FKBP4: variants seen among roughly 807,000 people sequenced by gnomAD.
FKBP4 encodes the protein peptidyl-prolyl cis-trans isomerase FKBP4.
In FKBP4, 28 loss-of-function variants were observed where a neutral mutation model predicts 54.1. The ratio of observed to expected loss-of-function variants is 0.52; its 90% CI spans 0.38 to 0.71. The LOEUF (loss-of-function observed/expected upper bound fraction) is 0.71, where lower values mean the gene tolerates loss of function less well. FKBP4 is among the 30% of genes least tolerant of loss of function. The pLI, the probability that FKBP4 is intolerant of heterozygous loss-of-function variation, is 0.00. For missense variants in FKBP4, 493 were observed against 574.4 expected, an observed-to-expected ratio of 0.86 and a Z score of 1.45; for synonymous variants, 223 against 216.1, an observed-to-expected ratio of 1.03 and a Z score of -0.28.
At position 2,804,976 on chromosome 12, in the gene FKBP4, G is replaced by A; in HGVS notation, c.*1718G>A. On this transcript the variant is annotated 3_prime_UTR_variant, in exon 10 of 10. Coordinates refer to ENST00000001008, the MANE Select transcript of FKBP4 (RefSeq NM_002014.4). The stretch of plus-strand genomic sequence containing the variant: ...GGCTTACCTCACATCACAGCCCTGT[G>A]TTTGTGGTTTGTGTCTGGGTCCTCT... The A allele has an allele frequency of 3.3e-6, 1 of 304,180 alleles. No individual in the cohort carries two copies. The highest frequency in any genetic ancestry group is 2.7e-5 in the South Asian group (1 of 37,022). The allele number at this position is 304,180 out of a possible 1,614,324, so 18.8% of individuals were successfully genotyped here.
chr12:2,796,083 C>G, intron 1 of FKBP4: 1 of 1,193,708 alleles, frequency 8.4e-7, no homozygotes, highest in South Asian at 1.5e-5. Context: ...GGACAACCTG[C>G]CTTGGGTCGG....
At chr12:2,800,674 G>C in intron 8 of FKBP4, 97 bp downstream of exon 8, 1 of 1,256,420 alleles carries the variant, frequency 8.0e-7, no homozygotes, top group Non-Finnish European at 1.1e-6. Flanking sequence ...CTAGGGCAGG[G>C]ATAGCAGGGT....
Position 2,799,943 on chromosome 12 carries a change from A to G in FKBP4, c.762+3A>G. The G allele has an allele frequency of 6.2e-7, 1 of 1,614,126 alleles. No individual in the cohort carries two copies. Among genetic ancestry groups the G allele is most frequent in the South Asian group, 1.1e-5 (1 of 91,080 alleles). On this transcript the variant is annotated splice_donor_region_variant and intron_variant, in intron 6 of 9. Transcript: ENST00000001008. ...TACACCTCAAGAGTTTTGAAAAGGT[A>G]AGTTTGCTCAGGGTCTTCCCATCTA...
chr12:2,796,875 A>G, intron 1 of FKBP4: 1 of 1,274,256 alleles, frequency 7.8e-7, no homozygotes. Context: ...TTAAAAACTT[A>G]CCATACAGCG....
At chr12:2,801,535 G>A in intron 9 of FKBP4, 179 bp downstream of exon 9, 1 of 852,908 alleles carries the variant, frequency 1.2e-6, no homozygotes. Flanking sequence ...ATCAGTGCGG[G>A]AAACCTACCC....
intron 1 of FKBP4, chr12:2,796,536 A>ATT: frequency 8.4e-7 from 1 of 1,192,790 alleles, no homozygotes; most frequent in East Asian, 5.8e-5. Context: ...GCCCTGGACT[A>ATT]ACTACCAGAG....
At chr12:2,796,504 T>C in intron 1 of FKBP4, 1 of 1,200,998 alleles carries the variant, frequency 8.3e-7, no homozygotes, top group Non-Finnish European at 1.1e-6. Flanking sequence ...AAGAAGCCTT[T>C]ACGTTTCTGG....
chr12:2,795,908 G>A lies in FKBP4; in HGVS notation c.105+664G>A. On this transcript the variant is annotated intron_variant, in intron 1 of 9. Transcript: ENST00000001008. The surrounding 1 kb of genome is among the most constrained non-coding windows in gnomAD (Gnocchi z 4.3). ...CGGCCCCGGGGAGGCCGGGCGCGGG[G>A]CATGCCGGGAGCTGTAGTCCCCTCC... is the stretch of plus-strand genomic sequence containing the variant. 2.0e-6 allele frequency: 2 copies of A among 982,052 alleles called. No homozygotes were observed. Among genetic ancestry groups the A allele is most frequent in the Non-Finnish European group, 2.4e-6 (2 of 824,618 alleles). 60.8% of individuals were successfully genotyped at this position (982,052 alleles called of 1,614,324 possible).
At position 2,797,849 on chromosome 12, in the gene FKBP4, C is replaced by A. The variant is rs527359061; in HGVS notation, c.371C>A (p.Pro124His). The A allele has an allele frequency of 3.7e-6, 6 of 1,613,970 alleles. No homozygotes were observed. The highest frequency in any genetic ancestry group is 2.2e-5 in the South Asian group (2 of 91,044). ...GSAGSPPKIP[P>H]NATLVFEVEL... ...GCAGGCAGTCCTCCAAAGATTCCCC[C>A]CAATGCCACGCTTGTATTTGAGGTG... is the stretch of plus-strand genomic sequence containing the variant. The change falls in exon 3 of 10, where the codon CCC becomes CAC. Residue 124 changes from proline to histidine, a missense_variant. Pro to His is a moderately conservative substitution (Grantham distance 77, BLOSUM62 -2). Transcript: ENST00000001008.
rs530047224 is a variant in FKBP4 at position 2,804,804 on chromosome 12, T to C, written c.*1546T>C. ...GCTGGAGCCAGGATTAAAATTGGGG[T>C]GTACAAGTCTCCCAGTGTGAGTATC... On this transcript the variant is annotated 3_prime_UTR_variant, in exon 10 of 10. Coordinates refer to ENST00000001008, the MANE Select transcript of FKBP4 (RefSeq NM_002014.4). The C allele has an allele frequency of 3.1e-5, 5 of 162,876 alleles. No individual in the cohort carries two copies. The highest frequency in any genetic ancestry group is 1.2e-4 in the African/African-American group (5 of 41,678). The allele number at this position is 162,876 out of a possible 1,614,324, so 10.1% of individuals were successfully genotyped here. A position where few individuals can be genotyped will look rare whatever the true frequency, so the allele number is the denominator to read the frequency against.
Position 2,795,280 on chromosome 12 carries a change from C to T in FKBP4, c.105+36C>T. 3 of 1,171,066 alleles carry T rather than the reference C, an allele frequency of 2.6e-6. No individual in the cohort carries two copies. Among genetic ancestry groups the T allele is most frequent in the Non-Finnish European group, 3.2e-6 (3 of 925,900 alleles). 72.5% of individuals were successfully genotyped at this position (1,171,066 alleles called of 1,614,324 possible). A position where few individuals can be genotyped will look rare whatever the true frequency, so the allele number is the denominator to read the frequency against. On this transcript the variant is annotated intron_variant, in intron 1 of 9. Transcript: ENST00000001008. This position sits in a 1 kb window ranked among gnomAD's most constrained non-coding sequence, Gnocchi z 4.3. The stretch of plus-strand genomic sequence containing the variant: ...GCGGGGCCTGCGGAGGCGTCGGAAC[C>T]CGGGGCCCCGCGGGCCGCCCTTCCG...
Position 2,798,740 on chromosome 12 carries a change from C to T in FKBP4, c.428C>T (p.Thr143Met), listed in dbSNP as rs866990185. 3.1e-6 allele frequency: 5 copies of T among 1,613,852 alleles called. No homozygotes were observed. Among genetic ancestry groups the T allele is most frequent in the Non-Finnish European group, 4.2e-6 (5 of 1,180,020 alleles). ...ELFEFKGEDLTEEEDGGIIRR... is the reference protein window; with the variant it reads ...ELFEFKGEDLMEEEDGGIIRR... ...TTTGAGTTTAAGGGAGAAGATCTGA[C>T]GGAAGAGGAAGATGGCGGAATCATT... Residue 143 changes from threonine (T) to methionine (M), a missense_variant, in exon 4 of 10, where the codon ACG becomes ATG. Transcript: ENST00000001008. This position sits in a 1 kb window ranked among gnomAD's most constrained non-coding sequence, Gnocchi z 4.3.
At chr12:2,801,980 C>T (rs921531128) in intron 9 of FKBP4, among the ~76,000 whole-genome samples, 7 of 152,058 alleles carry the variant, frequency 4.6e-5, no homozygotes, top group South Asian at 4.1e-4. Context: ...TATGATTTGG[C>T]GCATACTATG....
chr12:2,799,083 G>T lies in FKBP4; in HGVS notation c.515-5G>T, dbSNP rs2097903390. 1 of 1,526,630 alleles carries T rather than the reference G, an allele frequency of 6.6e-7. No homozygotes were observed. The highest frequency in any genetic ancestry group is 2.2e-5 in the Admixed American group (1 of 46,014). The allele number at this position is 1,526,630 out of a possible 1,614,324, so 94.6% of individuals were successfully genotyped here. A position where few individuals can be genotyped will look rare whatever the true frequency, so the allele number is the denominator to read the frequency against. ...CTCTGGTACACTGCCTCTCTTTCAT[G>T]CCAGTTGCACTGGAAGGGTACTACA... is the stretch of plus-strand genomic sequence containing the variant. On this transcript the variant is annotated splice_region_variant and splice_polypyrimidine_tract_variant and intron_variant, in intron 4 of 9. Coordinates refer to ENST00000001008, the MANE Select transcript of FKBP4 (RefSeq NM_002014.4).
chr12:2,799,101 G>A lies in FKBP4; in HGVS notation c.528G>A (p.Gly176=). 6.5e-7 allele frequency: 1 copy of A among 1,547,950 alleles called. No homozygotes were observed. Among genetic ancestry groups the A allele is most frequent in the Non-Finnish European group, 8.7e-7 (1 of 1,151,378 alleles). The change falls in exon 5 of 10, where the codon GGG becomes GGA. Residue 176 remains glycine (G), a synonymous_variant. Coordinates refer to ENST00000001008, the MANE Select transcript of FKBP4 (RefSeq NM_002014.4). ...EGAIVEVALE[G]YYKDKLFDQR... ...CTTTCATGCCAGTTGCACTGGAAGGGTACTACAAGGACAAGCTCTTTGACC... is the reference window on the plus strand; with the variant it reads ...CTTTCATGCCAGTTGCACTGGAAGGATACTACAAGGACAAGCTCTTTGACC...
At chr12:2,796,566 C>CA in intron 1 of FKBP4, 2 of 1,186,946 alleles carry the variant, frequency 1.7e-6, no homozygotes, top group African/African-American at 1.6e-5. Flanking sequence ...GCTCCCAAGT[C>CA]AGAGTTTAAG....
rs1031054610 is a variant in FKBP4 at position 2,803,407 on chromosome 12, A to G, written c.*149A>G. 8 of 620,154 alleles carry G rather than the reference A, an allele frequency of 1.3e-5. No individual in the cohort carries two copies. The highest frequency in any genetic ancestry group is 2.7e-5 in the Admixed American group (1 of 37,176). 38.4% of individuals were successfully genotyped at this position (620,154 alleles called of 1,614,324 possible). On this transcript the variant is annotated 3_prime_UTR_variant, in exon 10 of 10. Coordinates refer to ENST00000001008, the MANE Select transcript of FKBP4 (RefSeq NM_002014.4). Reference sequence around the variant, plus strand: ...ATGGTGGCTTTAGGGGAAGGGGGAAAGGTGTAGGCTGGGGGATTGAGGTGG... The same window carrying G: ...ATGGTGGCTTTAGGGGAAGGGGGAAGGGTGTAGGCTGGGGGATTGAGGTGG...
rs189052389 is a variant in FKBP4 at position 2,804,073 on chromosome 12, G to A, written c.*815G>A. 1 of 152,740 alleles carries A rather than the reference G, an allele frequency of 6.5e-6. No homozygotes were observed. Among genetic ancestry groups the A allele is most frequent in the Admixed American group, 6.5e-5 (1 of 15,302 alleles). The allele number at this position is 152,740 out of a possible 1,614,324, so 9.5% of individuals were successfully genotyped here. A position where few individuals can be genotyped will look rare whatever the true frequency, so the allele number is the denominator to read the frequency against. ...GAGCTTAAATAAGTGAGCATCTCATGTAGATGCCATAGTTGGGCAGGAAGC... is the reference window on the plus strand; with the variant it reads ...GAGCTTAAATAAGTGAGCATCTCATATAGATGCCATAGTTGGGCAGGAAGC... On this transcript the variant is annotated 3_prime_UTR_variant, in exon 10 of 10. Transcript: ENST00000001008.
In FKBP4 at chr12:2,800,691, G is replaced by A; in HGVS notation, c.1032+114G>A. ...AGGGCAGGGATAGCAGGGTGGATCA[G>A]TGGGAGCTCTGAGGTTACAGACCAA... On this transcript the variant is annotated intron_variant, in intron 8 of 9. Transcript: ENST00000001008. 11 of 1,077,052 alleles carry A rather than the reference G, an allele frequency of 1.0e-5. No homozygotes were observed. The South Asian group carries it at 1.8e-4, about 18-fold the overall frequency. 66.7% of individuals were successfully genotyped at this position (1,077,052 alleles called of 1,614,324 possible). A position where few individuals can be genotyped will look rare whatever the true frequency, so the allele number is the denominator to read the frequency against.
Sources: gnomAD v4.1 joint callset for allele counts (sites outside exome capture counted in the v4.1 genomes callset) on GRCh38, gnomAD v4.1.1 for gene constraint, Gnocchi (gnomAD v3.1) non-coding constraint, MANE v1.5 for transcripts, NCBI Gene and HGNC (gene_info 2026-07-23, HGNC 2026-07-21) for gene names.